The following PAK5 variants were observed in gnomAD, a reference collection of about 807,000 sequenced individuals.
The protein encoded by PAK5 is serine/threonine-protein kinase PAK 5.
A neutral mutation model predicts 65.9 loss-of-function variants in PAK5; 16 were observed. The ratio of observed to expected loss-of-function variants is 0.24; its 90% CI spans 0.16 to 0.37. The LOEUF (loss-of-function observed/expected upper bound fraction) is 0.37. PAK5 is among the 10% of genes least tolerant of loss of function. The probability of loss-of-function intolerance (pLI) is 1.00; values close to 1 mark genes in which losing one functional copy is unlikely to be tolerated. For synonymous variants in PAK5, 371 were observed against 354.9 expected, an observed-to-expected ratio of 1.05 and a Z score of -0.51; for missense variants, 785 against 903.9, an observed-to-expected ratio of 0.87 and a Z score of 1.69.
At chr20:9,776,057 C>T (rs2048883942) in intron 1 of PAK5, among the ~76,000 whole-genome samples, 1 of 152,102 alleles carries the variant, frequency 6.6e-6, no homozygotes, top group South Asian at 2.1e-4. Flanking sequence ...TGGAAAAAAT[C>T]AGAGAAACTA....
chr20:9,674,506 C>T (rs2047542386), intron 2 of PAK5, among the ~76,000 whole-genome samples: 1 of 152,152 alleles, frequency 6.6e-6, no homozygotes, highest in East Asian at 1.9e-4. Context: ...TTTGACATTT[C>T]TTTGACATTG....
chr20:9,757,460 A>G (rs1242755070), intron 1 of PAK5, among the ~76,000 whole-genome samples: 7 of 152,190 alleles, frequency 4.6e-5, no homozygotes. Flanking sequence ...ACCCCACTCT[A>G]GATATTTCAT....
intron 1 of PAK5, among the ~76,000 whole-genome samples, chr20:9,746,974 T>C (rs1405343600): frequency 1.3e-5 from 2 of 151,876 alleles, no homozygotes; most frequent in African/African-American, 4.8e-5. Context: ...AAGAATCAAA[T>C]AGACGCAATA....
At chr20:9,811,902 T>A (rs1471376449) in intron 1 of PAK5, among the ~76,000 whole-genome samples, 1 of 152,192 alleles carries the variant, frequency 6.6e-6, no homozygotes, top group Non-Finnish European at 1.5e-5. Flanking sequence ...TCTCTCTTGG[T>A]GACTTTGATT....
intron 2 of PAK5, among the ~76,000 whole-genome samples, chr20:9,686,585 C>G (rs1193503202): frequency 6.6e-6 from 1 of 152,244 alleles, no homozygotes; most frequent in East Asian, 1.9e-4. Flanking sequence ...CTGCATCCTT[C>G]TATGATTACA....
intron 7 of PAK5, 91 bp downstream of exon 7, chr20:9,557,517 G>A (rs1603205877): frequency 9.3e-7 from 1 of 1,071,424 alleles, no homozygotes; most frequent in East Asian, 2.7e-5. Flanking sequence ...AGAAAAATTA[G>A]AGTTATAAAA....
At chr20:9,771,673 A>C (rs948544564) in intron 1 of PAK5, among the ~76,000 whole-genome samples, 3 of 145,494 alleles carry the variant, frequency 2.1e-5, no homozygotes, top group Non-Finnish European at 3.0e-5. Flanking sequence ...CTCCTGTATC[A>C]GCCTCTCAAA....
chr20:9,806,124 C>T (rs2123745095), intron 1 of PAK5, among the ~76,000 whole-genome samples: 1 of 148,056 alleles, frequency 6.8e-6, no homozygotes, highest in South Asian at 2.3e-4. Context: ...AACAACATGC[C>T]CAGCTAATTT....
In PAK5 at chr20:9,736,963, T is replaced by C. The variant is rs61094165; in HGVS notation, c.-161-25528A>G. On this transcript the variant is annotated intron_variant, in intron 1 of 9. Transcript: ENST00000353224. ...AATAAAGTTGCCATCAGATTTCTTATTAGAAACAGTGCAAATAGGAAGACA... is the reference window on the plus strand; with the variant it reads ...AATAAAGTTGCCATCAGATTTCTTACTAGAAACAGTGCAAATAGGAAGACA... 6.3e-3 allele frequency among the ~76,000 whole-genome samples: 964 copies of C among 152,188 alleles called. 16 individuals are homozygous for C. The highest frequency in any genetic ancestry group is 0.022 in the African/African-American group (917 of 41,522).
chr20:9,601,579 C>G (rs2046359890), intron 3 of PAK5, among the ~76,000 whole-genome samples: 1 of 152,106 alleles, frequency 6.6e-6, no homozygotes, highest in Non-Finnish European at 1.5e-5. Flanking sequence ...TCTCTCGATT[C>G]TTCCCTCCTT....
At chr20:9,646,955 G>A (rs1226109573) in intron 2 of PAK5, among the ~76,000 whole-genome samples, 1 of 152,204 alleles carries the variant, frequency 6.6e-6, no homozygotes, top group African/African-American at 2.4e-5. Context: ...CTACACAGTT[G>A]AACTGAACTT....
At chr20:9,835,163 G>A (rs941765382) in intron 1 of PAK5, among the ~76,000 whole-genome samples, 5 of 152,174 alleles carry the variant, frequency 3.3e-5, no homozygotes, top group African/African-American at 1.2e-4. Context: ...CAGAGTATTC[G>A]TTCCTTCACT....
chr20:9,561,478 G>T (rs871526), intron 6 of PAK5, among the ~76,000 whole-genome samples: 12,707 of 151,154 alleles, frequency 0.084, 729 homozygotes, highest in East Asian at 0.3. Flanking sequence ...TTTTTTTGTT[G>T]GGCATGTCTT....
intron 1 of PAK5, among the ~76,000 whole-genome samples, chr20:9,785,823 A>AGT (rs2048986797): frequency 6.6e-6 from 1 of 152,202 alleles, no homozygotes; most frequent in Admixed American, 6.6e-5. Context: ...TAATTGTTAA[A>AGT]GTGGCATGTC....
intron 2 of PAK5, among the ~76,000 whole-genome samples, chr20:9,670,932 T>C (rs186108282): frequency 6.6e-6 from 1 of 152,208 alleles, no homozygotes; most frequent in Non-Finnish European, 1.5e-5. Flanking sequence ...CTTTAATCTA[T>C]CTTGAATTAA....
chr20:9,651,417 G>A (rs1439815299), intron 2 of PAK5, among the ~76,000 whole-genome samples: 1 of 152,186 alleles, frequency 6.6e-6, no homozygotes, highest in East Asian at 1.9e-4. Flanking sequence ...CGCAGAGGTA[G>A]AGGAGCAGCT....
chr20:9,658,116 ATTTG>A (rs1231825300), intron 2 of PAK5, among the ~76,000 whole-genome samples: 1 of 152,200 alleles, frequency 6.6e-6, no homozygotes, highest in Non-Finnish European at 1.5e-5. Context: ...TATCACTGTT[ATTTG>A]TTTGTTTAAA....
At chr20:9,773,380 C>T (rs1281339988) in intron 1 of PAK5, among the ~76,000 whole-genome samples, 1 of 151,934 alleles carries the variant, frequency 6.6e-6, no homozygotes, top group Non-Finnish European at 1.5e-5. Flanking sequence ...TAATGCTATC[C>T]CTCCCCCTTC....
intron 4 of PAK5, among the ~76,000 whole-genome samples, chr20:9,570,820 G>T (rs1347376851): frequency 6.6e-6 from 1 of 152,098 alleles, no homozygotes; most frequent in East Asian, 1.9e-4. Flanking sequence ...CATCCTGCAG[G>T]AATCACAAAC....
Sources: gnomAD v4.1 joint callset for allele counts (sites outside exome capture counted in the v4.1 genomes callset) on GRCh38, gnomAD v4.1.1 for gene constraint, MANE v1.5 for transcripts, NCBI Gene and HGNC (gene_info 2026-07-23, HGNC 2026-07-21) for gene names.